RBFOX3: variants seen among roughly 807,000 people sequenced by gnomAD.
RBFOX3 encodes the protein RNA binding protein fox-1 homolog 3.
In RBFOX3, 17 loss-of-function variants were observed where a neutral mutation model predicts 48.7. The ratio of observed to expected loss-of-function variants is 0.35; its 90% CI spans 0.24 to 0.52. The LOEUF (loss-of-function observed/expected upper bound fraction) is 0.52, where lower values mean the gene tolerates loss of function less well. Ranked by LOEUF, RBFOX3 falls within the 20% of genes least tolerant of loss-of-function variation. The pLI is 0.94. For missense variants in RBFOX3, 382 were observed against 497.5 expected, an observed-to-expected ratio of 0.77 and a Z score of 2.21; for synonymous variants, 212 against 209.5, an observed-to-expected ratio of 1.01 and a Z score of -0.10.
At chr17:79,441,263 C>T (rs2070854195) in intron 2 of RBFOX3, among the ~76,000 whole-genome samples, 1 of 152,236 alleles carries the variant, frequency 6.6e-6, no homozygotes, top group Non-Finnish European at 1.5e-5. Flanking sequence ...GGCGTGCCTC[C>T]TTCCTCCCGG....
chr17:79,236,415 A>G (rs1434970945), intron 3 of RBFOX3, among the ~76,000 whole-genome samples: 3 of 152,060 alleles, frequency 2.0e-5, no homozygotes, highest in Non-Finnish European at 2.9e-5. Context: ...CAGCCGCCCT[A>G]GTAGCTGGGA....
the RBFOX3 span, among the ~76,000 whole-genome samples, chr17:79,633,243 T>C: frequency 6.6e-6 from 1 of 152,204 alleles, no homozygotes; most frequent in African/African-American, 2.4e-5. Context: ...CACCTGGGGC[T>C]CCTGCATGGG....
intron 5 of RBFOX3, among the ~76,000 whole-genome samples, chr17:79,110,916 C>T (rs957175945): frequency 4.6e-5 from 7 of 152,360 alleles, no homozygotes; most frequent in East Asian, 3.9e-4. Context: ...TCCTCTCTTC[C>T]GCCCTTCTCA....
intron 4 of RBFOX3, among the ~76,000 whole-genome samples, chr17:79,148,567 A>G (rs1298121734): frequency 6.6e-6 from 1 of 152,216 alleles, no homozygotes; most frequent in Non-Finnish European, 1.5e-5. Context: ...AGGCCACTGA[A>G]CTTCTCTGGG....
In RBFOX3 at chr17:79,198,287, C is replaced by T. The variant is rs1460032881; in HGVS notation, c.-34+37479G>A. ...CCCTCGCCCCTGCCCTGCACCTCTCCATCCCACATGAGGCGACCTTGCAGG... is the reference window on the plus strand; with the variant it reads ...CCCTCGCCCCTGCCCTGCACCTCTCTATCCCACATGAGGCGACCTTGCAGG... On this transcript the variant is annotated intron_variant, in intron 4 of 14. Transcript: ENST00000693108. The surrounding 1 kb of genome is among the most constrained non-coding windows in gnomAD (Gnocchi z 8.2). Among the ~76,000 whole-genome samples, 1 of 152,244 alleles carries T rather than the reference C, an allele frequency of 6.6e-6. No homozygotes were observed. The highest frequency in any genetic ancestry group is 1.9e-4 in the East Asian group (1 of 5,200).
rs1266359050 is a variant in RBFOX3 at position 79,205,812 on chromosome 17, G to A, written c.-34+29954C>T. 6.7e-6 allele frequency among the ~76,000 whole-genome samples: 1 copy of A among 148,478 alleles called. No individual in the cohort carries two copies. The highest frequency in any genetic ancestry group is 1.5e-5 in the Non-Finnish European group (1 of 67,640). ...ATGGAAAATGTATTTTCCAGTCCAT[G>A]TCCATAAAGAGTCAAAAGCAGTTGG... is the stretch of plus-strand genomic sequence containing the variant. On this transcript the variant is annotated intron_variant, in intron 4 of 14. Transcript: ENST00000693108. This position sits in a 1 kb window ranked among gnomAD's most constrained non-coding sequence, Gnocchi z 4.5.
rs1047993501 is a variant in RBFOX3, at chr17:79,111,971, C to T, written c.222+3523G>A. ...AGAAGGCAGGTGATGTCGTGGTGAG[C>T]GGTGAGAGAAACGGAGCCTATGTGC... On this transcript the variant is annotated intron_variant, in intron 5 of 14. Coordinates refer to ENST00000693108, the MANE Select transcript of RBFOX3 (RefSeq NM_001350451.2). This position sits in a 1 kb window ranked among gnomAD's most constrained non-coding sequence, Gnocchi z 4.2. Among the ~76,000 whole-genome samples the T allele has an allele frequency of 1.2e-4, 19 of 152,198 alleles. No individual in the cohort carries two copies. Among genetic ancestry groups the T allele is most frequent in the Admixed American group, 1.3e-4 (2 of 15,288 alleles).
chr17:79,641,078 A>C, the RBFOX3 span, among the ~76,000 whole-genome samples: 2 of 152,236 alleles, frequency 1.3e-5, no homozygotes, highest in African/African-American at 4.8e-5. Context: ...AATATCCAAA[A>C]TATATAAGGA....
At chr17:79,266,739 A>G (rs1445581539) in intron 3 of RBFOX3, among the ~76,000 whole-genome samples, 1 of 152,106 alleles carries the variant, frequency 6.6e-6, no homozygotes, top group Non-Finnish European at 1.5e-5. Context: ...GAGTTCAATC[A>G]GGTGTCCAGT....
chr17:79,453,291 G>C (rs1465179520), intron 2 of RBFOX3, among the ~76,000 whole-genome samples: 1 of 152,216 alleles, frequency 6.6e-6, no homozygotes, highest in Non-Finnish European at 1.5e-5. Flanking sequence ...AGGCCCTCTG[G>C]GGCAGTGGCT....
rs1018960520 is a variant in RBFOX3 at position 79,586,346 on chromosome 17, C to T, written c.-320+24480G>A. Among the ~76,000 whole-genome samples, 3,231 of 152,280 alleles carry T rather than the reference C, an allele frequency of 0.021. 312 individuals are homozygous for T. In the East Asian group the frequency reaches 0.33, roughly 16 times the overall value. On this transcript the variant is annotated intron_variant, in intron 1 of 14. Transcript: ENST00000693108. The stretch of plus-strand genomic sequence containing the variant: ...GACCTGTCTCAAGTCCAGCGGCCTC[C>T]GCCCCACCTGCCAGCTGACCACAGA...
At chr17:79,118,147 C>T (rs896469883) in intron 4 of RBFOX3, among the ~76,000 whole-genome samples, 2 of 152,188 alleles carry the variant, frequency 1.3e-5, no homozygotes, top group African/African-American at 2.4e-5. Flanking sequence ...TCTCGGTGCT[C>T]GCCACCCTGC....
chr17:79,140,983 C>T (rs527413682), intron 4 of RBFOX3, among the ~76,000 whole-genome samples: 3 of 152,256 alleles, frequency 2.0e-5, no homozygotes, highest in South Asian at 2.1e-4. Flanking sequence ...AGAGGCAGCC[C>T]GGGTGGCTTC....
intron 3 of RBFOX3, among the ~76,000 whole-genome samples, chr17:79,267,445 C>A (rs372329575): frequency 6.6e-6 from 1 of 151,952 alleles, no homozygotes; most frequent in African/African-American, 2.4e-5. Context: ...GGCTGGAGTA[C>A]AGTGGCGCGA....
In RBFOX3 at chr17:79,214,411, G is replaced by C. The variant is rs557864866; in HGVS notation, c.-34+21355C>G. On this transcript the variant is annotated intron_variant, in intron 4 of 14. Transcript: ENST00000693108. This position sits in a 1 kb window ranked among gnomAD's most constrained non-coding sequence, Gnocchi z 4.7. ...GCCCGCAGGTCCAGCAACCAGGGAGGGTGGGGGCTCTCTTCTTGAGAAAAG... is the reference window on the plus strand; with the variant it reads ...GCCCGCAGGTCCAGCAACCAGGGAGCGTGGGGGCTCTCTTCTTGAGAAAAG... Among the ~76,000 whole-genome samples the C allele has an allele frequency of 6.6e-6, 1 of 152,298 alleles. No individual in the cohort carries two copies. Among genetic ancestry groups the C allele is most frequent in the African/African-American group, 2.4e-5 (1 of 41,560 alleles).
chr17:79,359,387 T>C (rs1037309760), intron 2 of RBFOX3, among the ~76,000 whole-genome samples: 1 of 152,254 alleles, frequency 6.6e-6, no homozygotes, highest in African/African-American at 2.4e-5. Context: ...ATTGTTAATC[T>C]GAAATTCAGA....
At chr17:79,450,530 C>T (rs1222895398) in intron 2 of RBFOX3, among the ~76,000 whole-genome samples, 1 of 109,060 alleles carries the variant, frequency 9.2e-6, no homozygotes, top group East Asian at 2.3e-4. Context: ...ACAGACCACC[C>T]TGGACTTCTG....
chr17:79,236,167 T>C (rs2061608992), intron 3 of RBFOX3, among the ~76,000 whole-genome samples: 1 of 152,208 alleles, frequency 6.6e-6, no homozygotes, highest in Non-Finnish European at 1.5e-5. Flanking sequence ...ACGCAGGCCT[T>C]GTGGCTTGTT....
chr17:79,135,199 G>A (rs1233125520), intron 4 of RBFOX3: 1 of 152,380 alleles, frequency 6.6e-6, no homozygotes, highest in East Asian at 1.9e-4. Flanking sequence ...CCACAGCCAG[G>A]GAGACTGAGT....
Sources: allele counts gnomAD v4.1 joint callset (sites outside exome capture counted in the v4.1 genomes callset), GRCh38; gene constraint gnomAD v4.1.1; non-coding constraint Gnocchi (gnomAD v3.1); transcripts MANE v1.5; gene names NCBI Gene and HGNC (gene_info 2026-07-23, HGNC 2026-07-21).